Variants in KRT76 observed in about 807,000 individuals in gnomAD.
KRT76 encodes the protein keratin, type II cytoskeletal 2 oral.
KRT76 carries 47 observed loss-of-function variants against 44.9 expected under a neutral mutation model. That is an observed-to-expected ratio of 1.05 (90% CI 0.83 to 1.33). The LOEUF (loss-of-function observed/expected upper bound fraction) is 1.33. Ranked by LOEUF, KRT76 falls within the 40% of genes most tolerant of loss-of-function variation. The pLI is 0.00. For synonymous variants in KRT76, 331 were observed against 294.1 expected (o/e 1.13, Z -1.28); for missense variants, 860 against 775.8 (o/e 1.11, Z -1.29).
chr12:52,774,041 AG>A (rs1939225971), intron 2 of KRT76, among the ~76,000 whole-genome samples: 1 of 152,140 alleles, frequency 6.6e-6, no homozygotes, highest in Non-Finnish European at 1.5e-5. Context: ...TTTGTTGCCC[AG>A]GCTGGTCTCG....
Position 52,776,849 on chromosome 12 carries a change from G to A in KRT76, c.443C>T (p.Pro148Leu). Residue 148 changes from proline (P) to leucine (L), a missense_variant, in exon 1 of 9, where the codon CCT becomes CTT. Transcript: ENST00000332411. Reference sequence around the variant, plus strand: ...CTGAATTCCCCCAGGAAAGCCCCCAGGGCCAAAGCCACCAGGACCACCAAA... The same window carrying A: ...CTGAATTCCCCCAGGAAAGCCCCCAAGGCCAAAGCCACCAGGACCACCAAA... ...GSFGGPGGFG[P>L]GGFPGGIQEV... 2 of 1,613,538 alleles carry A rather than the reference G, an allele frequency of 1.2e-6. No homozygotes were observed. Among genetic ancestry groups the A allele is most frequent in the African/African-American group, 1.3e-5 (1 of 74,942 alleles).
At position 52,772,201 on chromosome 12, in the gene KRT76, T is replaced by C; in HGVS notation, c.1030A>G (p.Asn344Asp). ...CTGCCCAGGTCCAGGCAGCGGTTGTTGTCCATGGACAGAACCACAGACGTG... is the reference window on the plus strand; with the variant it reads ...CTGCCCAGGTCCAGGCAGCGGTTGTCGTCCATGGACAGAACCACAGACGTG... Reference protein sequence around the residue: ...SDTSVVLSMDNNRCLDLGSII... With the variant: ...SDTSVVLSMDDNRCLDLGSII... Residue 344 changes from asparagine (N) to aspartate (D), a missense_variant, in exon 5 of 9, where the codon AAC becomes GAC. Transcript: ENST00000332411. 2 of 1,613,440 alleles carry C rather than the reference T, an allele frequency of 1.2e-6. No individual in the cohort carries two copies. Among genetic ancestry groups the C allele is most frequent in the Non-Finnish European group, 1.7e-6 (2 of 1,179,610 alleles).
chr12:52,772,678 C>A, intron 4 of KRT76, 105 bp downstream of exon 4: 1 of 807,258 alleles, frequency 1.2e-6, no homozygotes, highest in South Asian at 1.5e-5. Context: ...AGTCCTGAGC[C>A]CCATTGCTGG....
chr12:52,774,378 T>A (rs10876341), intron 2 of KRT76, among the ~76,000 whole-genome samples: 1 of 152,124 alleles, frequency 6.6e-6, no homozygotes, highest in Non-Finnish European at 1.5e-5. Flanking sequence ...AAATGTGTGC[T>A]CTCATTGGGC....
Position 52,771,865 on chromosome 12 carries a change from C to T in KRT76, c.1263+6G>A, listed in dbSNP as rs1261749048. ...TCTGGGATCTCTCCGTTAAACCCAG[C>T]CCCACCTGCTTCTTGACATTTTCAA... On this transcript the variant is annotated splice_donor_region_variant and intron_variant, in intron 6 of 8. Transcript: ENST00000332411. 1 of 1,612,678 alleles carries T rather than the reference C, an allele frequency of 6.2e-7. No individual in the cohort carries two copies.
In KRT76 at chr12:52,771,157, G is replaced by A. The variant is rs200722310; in HGVS notation, c.1326C>T (p.Asp442=). 3.4e-5 allele frequency: 55 copies of A among 1,614,136 alleles called. No homozygotes were observed. The highest frequency in any genetic ancestry group is 1.2e-4 in the Admixed American group (7 of 60,024). Residue 442 remains aspartate, a synonymous_variant, in exon 7 of 9, where the codon GAC becomes GAT. Coordinates refer to ENST00000332411, the MANE Select transcript of KRT76 (RefSeq NM_015848.4). ...AEQRGEMALK[D]ANAKLQDLQT... ...GCAAGTCTTGGAGCTTGGCATTGGC[G>A]TCCTTGAGGGCCATCTCTCCACGCT...
chr12:52,768,479 G>GAT lies in KRT76; in HGVS notation c.*233_*234insAT. On this transcript the variant is annotated 3_prime_UTR_variant, in exon 9 of 9. Transcript: ENST00000332411. ...GCTCAGGGGTTGCTGTCCAAAGTAA[G>GAT]GGGCCATTGCAGGAAGGTTTCCAGG... is the stretch of plus-strand genomic sequence containing the variant. The GAT allele has an allele frequency of 6.1e-6, 3 of 491,956 alleles. No homozygotes were observed. The highest frequency in any genetic ancestry group is 1.1e-5 in the Non-Finnish European group (3 of 278,630). The allele number at this position is 491,956 out of a possible 1,614,324, so 30.5% of individuals were successfully genotyped here. A position where few individuals can be genotyped will look rare whatever the true frequency, so the allele number is the denominator to read the frequency against.
chr12:52,769,666 G>T, intron 7 of KRT76, 83 bp from the exon 8 acceptor site: 1 of 1,249,938 alleles, frequency 8.0e-7, no homozygotes, highest in Non-Finnish European at 1.2e-6. Context: ...TGGGAGCCAC[G>T]CCCTCCCATT....
At chr12:52,774,823 C>A (rs1939235320) in intron 2 of KRT76, among the ~76,000 whole-genome samples, 1 of 152,168 alleles carries the variant, frequency 6.6e-6, no homozygotes. Context: ...CCTTGAGAGG[C>A]CCAGTTTGCT....
At position 52,773,600 on chromosome 12, in the gene KRT76, C is replaced by T. The variant is rs374303005; in HGVS notation, c.858G>A (p.Glu286=). 6.2e-7 allele frequency: 1 copy of T among 1,613,418 alleles called. No homozygotes were observed. The highest frequency in any genetic ancestry group is 8.5e-7 in the Non-Finnish European group (1 of 1,179,482). ...CACCTACCTTCTTGAGCCCCACAAACTCATTCTCTGCGGCAGTGCGTTTGT... is the reference window on the plus strand; with the variant it reads ...CACCTACCTTCTTGAGCCCCACAAATTCATTCTCTGCGGCAGTGCGTTTGT... The part of the protein sequence containing the change: ...EINKRTAAEN[E]FVGLKKDVDA... Residue 286 remains glutamate (E), a synonymous_variant, in exon 3 of 9, where the codon GAG becomes GAA. Transcript: ENST00000332411.
intron 8 of KRT76, 56 bp downstream of exon 8, chr12:52,769,493 G>T: frequency 4.7e-6 from 7 of 1,480,938 alleles, no homozygotes; most frequent in Non-Finnish European, 5.7e-6. Flanking sequence ...CAGTGAGGTT[G>T]TTTCTAGCTG....
At chr12:52,769,720 C>T (rs1939150295) in intron 7 of KRT76, 137 bp from the exon 8 acceptor site, 1 of 723,232 alleles carries the variant, frequency 1.4e-6, no homozygotes, top group African/African-American at 1.8e-5. Flanking sequence ...AAGCCTATTC[C>T]AAGTCTGTTT....
chr12:52,772,123 A>G lies in KRT76; in HGVS notation c.1108T>C (p.Ser370Pro). Residue 370 changes from serine to proline, a missense_variant, in exon 5 of 9, where the codon TCT becomes CCT. Ser to Pro is a moderately conservative substitution (Grantham distance 74). Transcript: ENST00000332411. ...QYEEIAQRSK[S>P]EAEALYQTKL... ...GTCTGGTACAGGGCCTCAGCTTCAG[A>G]CTTGCTCCTCTGGGCAATCTCCTCA... is the stretch of plus-strand genomic sequence containing the variant. 6.2e-7 allele frequency: 1 copy of G among 1,612,658 alleles called. No individual in the cohort carries two copies. The highest frequency in any genetic ancestry group is 2.2e-5 in the East Asian group (1 of 44,870).
chr12:52,773,702 G>A lies in KRT76; in HGVS notation c.816-60C>T, dbSNP rs915850234. On this transcript the variant is annotated intron_variant, in intron 2 of 8. Transcript: ENST00000332411. ...CATTTCAGAAGTAAAAAAGAGAGGT[G>A]AGGATTCCAGGCACTCTCCTCACCT... 2.9e-5 allele frequency: 42 copies of A among 1,448,850 alleles called. No individual in the cohort carries two copies. The African/African-American group carries it at 5.4e-4, about 19-fold the overall frequency. The allele number at this position is 1,448,850 out of a possible 1,614,324, so 89.7% of individuals were successfully genotyped here.
chr12:52,771,470 T>C lies in KRT76; in HGVS notation c.1264-251A>G, dbSNP rs564718144. 1.2e-4 allele frequency among the ~76,000 whole-genome samples: 19 copies of C among 152,342 alleles called. No homozygotes were observed. In the South Asian group the frequency reaches 2.1e-3, roughly 17 times the overall value. Reference sequence around the variant, plus strand: ...TATGCTGTTACAGGTAGTAGTGGTCTGGTTAGTCCCTAATCTTTTTTGCAA... The same window carrying C: ...TATGCTGTTACAGGTAGTAGTGGTCCGGTTAGTCCCTAATCTTTTTTGCAA... On this transcript the variant is annotated intron_variant, in intron 6 of 8. Transcript: ENST00000332411.
At chr12:52,769,685 T>A (rs145093236) in intron 7 of KRT76, 102 bp from the exon 8 acceptor site, 3 of 954,186 alleles carry the variant, frequency 3.1e-6, no homozygotes, top group South Asian at 2.6e-5. Flanking sequence ...TTTGCCCCAC[T>A]AGGGGTCAAG....
intron 7 of KRT76, among the ~76,000 whole-genome samples, chr12:52,770,500 G>A (rs547512204): frequency 1.6e-4 from 24 of 152,196 alleles, no homozygotes; most frequent in Non-Finnish European, 3.1e-4. Flanking sequence ...AGCTTCAGGG[G>A]TGGAGCTTGT....
At position 52,769,063 on chromosome 12, in the gene KRT76, G is replaced by A. The variant is rs1056706811; in HGVS notation, c.1567C>T (p.Arg523Cys). ...TSTSGSSGSS[R>C]GVFGGVSGSG... ...CCACTGACCCCTCCAAAAACTCCAC[G>A]GCTACTGCCAGAGCTGCCACTTGTG... The change falls in exon 9 of 9, where the codon CGT becomes TGT. Residue 523 changes from arginine (R) to cysteine (C), a missense_variant. Physicochemically the swap from Arg to Cys is radical, Grantham distance 180. Coordinates refer to ENST00000332411, the MANE Select transcript of KRT76 (RefSeq NM_015848.4). The A allele has an allele frequency of 2.1e-5, 15 of 726,320 alleles. 1 individual carries two copies. Among genetic ancestry groups the A allele is most frequent in the South Asian group, 7.4e-5 (5 of 67,694 alleles). 45.0% of individuals were successfully genotyped at this position (726,320 alleles called of 1,614,324 possible).
In KRT76 at chr12:52,777,262, G is replaced by A. The variant is rs1939279158; in HGVS notation, c.30C>T (p.Phe10=). Residue 10 remains phenylalanine (F), a synonymous_variant, in exon 1 of 9, where the codon TTC becomes TTT. Coordinates refer to ENST00000332411, the MANE Select transcript of KRT76 (RefSeq NM_015848.4). ...CAGAGAAACCCTGGCTCCTGCCACT[G>A]AAGGATTTCTTGCAAACTTGTCTGT... MNRQVCKKS[F]SGRSQGFSGR... 1 of 1,614,238 alleles carries A rather than the reference G, an allele frequency of 6.2e-7. No individual in the cohort carries two copies. The highest frequency in any genetic ancestry group is 1.3e-5 in the African/African-American group (1 of 75,064).
Sources: allele counts gnomAD v4.1 joint callset (sites outside exome capture counted in the v4.1 genomes callset), GRCh38; gene constraint gnomAD v4.1.1; transcripts MANE v1.5; gene names NCBI Gene and HGNC (gene_info 2026-07-23, HGNC 2026-07-21).